KAT6A: variants seen among roughly 807,000 people sequenced by gnomAD.
KAT6A encodes histone acetyltransferase KAT6A.
KAT6A carries 9 observed loss-of-function variants against 198.4 expected under a neutral mutation model. The ratio of observed to expected loss-of-function variants is 0.05; its 90% CI spans 0.03 to 0.08. The LOEUF (loss-of-function observed/expected upper bound fraction) is 0.08, where lower values mean the gene tolerates loss of function less well. Ranked by LOEUF, KAT6A falls within the 10% of genes least tolerant of loss-of-function variation. The pLI is 1.00. For synonymous variants in KAT6A, 890 were observed against 883.0 expected, an observed-to-expected ratio of 1.01 and a Z score of -0.14; for missense variants, 2,077 against 2,509.9, an observed-to-expected ratio of 0.83 and a Z score of 3.69.
intron 2 of KAT6A, among the ~76,000 whole-genome samples, chr8:41,996,421 A>C (rs943242321): frequency 6.6e-6 from 1 of 152,188 alleles, no homozygotes. Flanking sequence ...TCCCTATAAC[A>C]CTCAAACATG....
chr8:41,937,598 G>A, intron 15 of KAT6A, 30 bp from the exon 16 acceptor site: 1 of 1,500,074 alleles, frequency 6.7e-7, no homozygotes, highest in African/African-American at 1.4e-5. Context: ...AGTATTTACA[G>A]TTATGAACAC....
At chr8:42,025,159 T>C (rs1826740400) in intron 2 of KAT6A, among the ~76,000 whole-genome samples, 2 of 152,246 alleles carry the variant, frequency 1.3e-5, no homozygotes, top group South Asian at 2.1e-4. Context: ...TGGTATCTTA[T>C]TATAGTTTTG....
intron 2 of KAT6A, among the ~76,000 whole-genome samples, chr8:42,039,764 C>T (rs1032942351): frequency 3.9e-5 from 6 of 151,922 alleles, no homozygotes; most frequent in Admixed American, 3.9e-4. Context: ...GACGGAGTCT[C>T]ACTCTGTCAC....
At chr8:41,981,787 GTACA>G in intron 4 of KAT6A, 48 bp downstream of exon 4, 1 of 1,099,314 alleles carries the variant, frequency 9.1e-7, no homozygotes, top group Non-Finnish European at 1.4e-6. Context: ...AATGCTGGTC[GTACA>G]TTCTACTACT....
chr8:42,033,854 AAAC>A (rs1827248490), intron 2 of KAT6A, among the ~76,000 whole-genome samples: 1 of 152,216 alleles, frequency 6.6e-6, no homozygotes, highest in Admixed American at 6.5e-5. Context: ...AAAATAAACA[AAAC>A]AATCAGATAC....
chr8:41,963,212 A>C (rs895860799), intron 8 of KAT6A, among the ~76,000 whole-genome samples: 1 of 152,200 alleles, frequency 6.6e-6, no homozygotes, highest in African/African-American at 2.4e-5. Context: ...TTATTATTAG[A>C]TAAATATTAT....
chr8:42,041,918 ACAAT>A (rs1386963650), intron 2 of KAT6A, among the ~76,000 whole-genome samples: 2 of 152,140 alleles, frequency 1.3e-5, no homozygotes, highest in African/African-American at 2.4e-5. Context: ...TCCAAAGTGA[ACAAT>A]CATTCTGTCA....
At chr8:41,945,259 C>T (rs1456458444) in intron 12 of KAT6A, among the ~76,000 whole-genome samples, 4 of 151,314 alleles carry the variant, frequency 2.6e-5, no homozygotes, top group Non-Finnish European at 4.4e-5. Context: ...AACAAAAATA[C>T]GGCAGGTATA....
intron 2 of KAT6A, 87 bp downstream of exon 2, chr8:42,048,291 A>G: frequency 6.8e-7 from 1 of 1,477,512 alleles, no homozygotes. Context: ...CCCAAACAAA[A>G]AACTTGAATA....
At chr8:41,971,758 G>A (rs1254050500) in intron 8 of KAT6A, among the ~76,000 whole-genome samples, 3 of 152,140 alleles carry the variant, frequency 2.0e-5, no homozygotes, top group Admixed American at 1.3e-4. Flanking sequence ...GGTGGCAAAA[G>A]CAGAAGCAAG....
At chr8:41,987,376 G>C (rs1440000049) in intron 3 of KAT6A, 79 bp downstream of exon 3, 1 of 803,960 alleles carries the variant, frequency 1.2e-6, no homozygotes, top group Non-Finnish European at 2.2e-6. Context: ...TAAGGATCAA[G>C]GATACAAACT....
rs1252865270 is a variant in KAT6A at position 41,933,892 on chromosome 8, T to G, written c.4328A>C (p.Tyr1443Ser). Residue 1443 changes from tyrosine to serine, a missense_variant, in exon 17 of 17, where the codon TAC becomes TCC. Tyr to Ser is a moderately radical substitution (Grantham distance 144, BLOSUM62 -2). Transcript: ENST00000265713. The surrounding 1 kb of genome is among the most constrained non-coding windows in gnomAD (Gnocchi z 6.2). ...QEESSEHEGA[Y>S]QDCEETLAAC... ...CGCAAGAGTTTCCTCACAGTCCTGG[T>G]AGGCGCCCTCATGCTCACTGCTTTC... 6.2e-7 allele frequency: 1 copy of G among 1,614,172 alleles called. No homozygotes were observed.
intron 2 of KAT6A, among the ~76,000 whole-genome samples, chr8:42,037,691 C>CTTT (rs35961436): frequency 5.0e-5 from 7 of 140,866 alleles, no homozygotes; most frequent in Admixed American, 1.4e-4. Context: ...ACATTGAAAG[C>CTTT]TTTTTTTTTT....
chr8:41,946,493 TACACACACACACAC>T (rs60247515), intron 12 of KAT6A, 84 bp downstream of exon 12: 156 of 323,610 alleles, frequency 4.8e-4, no homozygotes, highest in South Asian at 1.2e-3. Flanking sequence ...TATATATATA[TACACACACACACAC>T]ACACACACAC....
chr8:41,934,352 GCTC>G lies in KAT6A; in HGVS notation c.3865_3867del (p.Glu1289del), dbSNP rs747034971. On this transcript the variant is annotated inframe_deletion, in exon 17 of 17. Coordinates refer to ENST00000265713, the MANE Select transcript of KAT6A (RefSeq NM_006766.5). ...GGCTCTGGCTCCTCTAATTCCTGCT[GCTC>G]CTCCTCTGACTGCCTCTGCTCCTCT... is the stretch of plus-strand genomic sequence containing the variant. The G allele has an allele frequency of 1.4e-4, 229 of 1,613,778 alleles. No homozygotes were observed. The highest frequency in any genetic ancestry group is 7.0e-4 in the Admixed American group (42 of 59,968).
In KAT6A at chr8:41,941,181, T is replaced by A. The variant is rs937666640; in HGVS notation, c.2700A>T (p.Gly900=). ...TGGCTTCTGATTTCTCCCCACATTC[T>A]CCATATTGTTCCTGAGGAGCTGAAG... is the stretch of plus-strand genomic sequence containing the variant. The part of the protein sequence containing the change: ...ETSSAPQEQY[G]ECGEKSEATQ... Residue 900 remains glycine (G), a synonymous_variant, in exon 15 of 17, where the codon GGA becomes GGT. Transcript: ENST00000265713. The A allele has an allele frequency of 1.9e-6, 3 of 1,614,138 alleles. No homozygotes were observed. The Admixed American group carries it at 5.0e-5, about 27-fold the overall frequency.
chr8:41,940,720 G>T, intron 15 of KAT6A, 122 bp downstream of exon 15: 1 of 1,211,084 alleles, frequency 8.3e-7, no homozygotes, highest in Non-Finnish European at 1.2e-6. Context: ...GAGGCTTAAG[G>T]TTTATAAAGC....
intron 2 of KAT6A, among the ~76,000 whole-genome samples, chr8:42,044,420 T>C (rs140541051): frequency 2.0e-4 from 31 of 152,112 alleles, no homozygotes; most frequent in African/African-American, 6.5e-4. Flanking sequence ...TTAATCACAG[T>C]ATCCCATGGA....
At chr8:41,954,146 T>G (rs1483556578) in intron 9 of KAT6A, among the ~76,000 whole-genome samples, 1 of 152,302 alleles carries the variant, frequency 6.6e-6, no homozygotes, top group South Asian at 2.1e-4. Flanking sequence ...GTGTCTGAAA[T>G]GGCATTCTTA....
Sources: gnomAD v4.1 joint callset for allele counts (sites outside exome capture counted in the v4.1 genomes callset) on GRCh38, gnomAD v4.1.1 for gene constraint, Gnocchi (gnomAD v3.1) non-coding constraint, MANE v1.5 for transcripts, NCBI Gene and HGNC (gene_info 2026-07-23, HGNC 2026-07-21) for gene names.